The following TCF25 variants were observed in gnomAD, a reference collection of about 807,000 sequenced individuals.
The protein encoded by TCF25 is ribosome quality control complex subunit TCF25.
Under a neutral mutation model 83.1 loss-of-function variants are expected in TCF25, and 41 were observed. The ratio of observed to expected loss-of-function variants is 0.49; its 90% CI spans 0.38 to 0.64. The LOEUF (loss-of-function observed/expected upper bound fraction) is 0.64. Ranked by LOEUF, TCF25 falls within the 30% of genes least tolerant of loss-of-function variation. The pLI is 0.00. For synonymous variants in TCF25, 458 were observed against 365.0 expected (o/e 1.25, Z -2.90); for missense variants, 979 against 914.5 (o/e 1.07, Z -0.91).
chr16:89,899,124 T>C (rs2044120921), intron 11 of TCF25, among the ~76,000 whole-genome samples: 1 of 152,142 alleles, frequency 6.6e-6, no homozygotes, highest in South Asian at 2.1e-4. Context: ...CAAACGTGTG[T>C]ACACATGCAC....
intron 4 of TCF25, among the ~76,000 whole-genome samples, chr16:89,886,835 G>C (rs2043053384): frequency 6.6e-6 from 1 of 152,016 alleles, no homozygotes; most frequent in Non-Finnish European, 1.5e-5. Context: ...CACTCAGGAG[G>C]CTGAGGCAGG....
rs1435756761 is a variant in TCF25, at chr16:89,883,528, G to T, written c.354+16G>T. The T allele has an allele frequency of 8.2e-6, 13 of 1,583,148 alleles. No individual in the cohort carries two copies. The highest frequency in any genetic ancestry group is 1.8e-5 in the Admixed American group (1 of 54,400). On this transcript the variant is annotated intron_variant, in intron 2 of 17. Coordinates refer to ENST00000263346, the MANE Select transcript of TCF25 (RefSeq NM_014972.3). ...CTCAGAGCAGGTGGGGGGCTGAGTGGTGAGGAGGTGGCATCAGACGGGAGA... is the reference window on the plus strand; with the variant it reads ...CTCAGAGCAGGTGGGGGGCTGAGTGTTGAGGAGGTGGCATCAGACGGGAGA...
At chr16:89,902,407 C>CTCTGAGG (rs1567730548) in intron 12 of TCF25, among the ~76,000 whole-genome samples, 4 of 49,098 alleles carry the variant, frequency 8.1e-5, no homozygotes, top group Admixed American at 1.8e-4. Flanking sequence ...GACGGGCCTC[C>CTCTGAGG]GGCCGGGCGC....
chr16:89,898,876 G>T lies in TCF25; in HGVS notation c.1221+4G>T. On this transcript the variant is annotated splice_donor_region_variant and intron_variant, in intron 11 of 17. Coordinates refer to ENST00000263346, the MANE Select transcript of TCF25 (RefSeq NM_014972.3). ...CCGCCTCTTCCAGGAGTGGGAGGTG[G>T]GTGCGAGCCTGGTGAGGCCCCGTGG... The T allele has an allele frequency of 1.2e-6, 2 of 1,613,558 alleles. No individual in the cohort carries two copies. The highest frequency in any genetic ancestry group is 1.7e-6 in the Non-Finnish European group (2 of 1,179,962).
At chr16:89,875,788 C>T (rs1159583871) in intron 1 of TCF25, among the ~76,000 whole-genome samples, 1 of 135,550 alleles carries the variant, frequency 7.4e-6, no homozygotes, top group African/African-American at 2.8e-5. Context: ...TCCCAAAGTG[C>T]TGGGATTACA....
chr16:89,891,158 C>G (rs528395797), intron 5 of TCF25, among the ~76,000 whole-genome samples: 1 of 152,244 alleles, frequency 6.6e-6, no homozygotes, highest in Non-Finnish European at 1.5e-5. Context: ...GTCCCCTGCC[C>G]CCTCCTGGCA....
At position 89,911,197 on chromosome 16, in the gene TCF25, C is replaced by CAA; in HGVS notation, c.1990_1991insAA (p.Pro664GlnfsTer20). The CAA allele has an allele frequency of 6.2e-7, 1 of 1,612,468 alleles. No individual in the cohort carries two copies. The highest frequency in any genetic ancestry group is 8.5e-7 in the Non-Finnish European group (1 of 1,179,958). ...CTTCCACCTCAACGACCTGGAGGCGCCGCACGAGGACGACGCTGAGGGGGA... is the reference window on the plus strand; with the variant it reads ...CTTCCACCTCAACGACCTGGAGGCGCAACGCACGAGGACGACGCTGAGGGGGA... On this transcript the variant is annotated frameshift_variant, in exon 18 of 18. Transcript: ENST00000263346. LOFTEE classifies it high-confidence loss of function.
intron 14 of TCF25, 34 bp downstream of exon 14, chr16:89,905,130 C>T (rs2044670684): frequency 1.3e-6 from 2 of 1,532,580 alleles, no homozygotes; most frequent in African/African-American, 1.4e-5. Context: ...CCTGCCACGC[C>T]CCCTCCTCAG....
At chr16:89,875,684 G>A (rs890296609) in intron 1 of TCF25, among the ~76,000 whole-genome samples, 3 of 151,368 alleles carry the variant, frequency 2.0e-5, no homozygotes, top group African/African-American at 4.8e-5. Flanking sequence ...CACCACGCCT[G>A]GCTAATTTTT....
chr16:89,893,895 CCA>C, intron 7 of TCF25, 37 bp downstream of exon 7: 1 of 1,571,650 alleles, frequency 6.4e-7, no homozygotes, highest in Non-Finnish European at 8.6e-7. Flanking sequence ...GGAGCAGGGG[CCA>C]TGTAGCCACC....
In TCF25 at chr16:89,873,646, G is replaced by C. The variant is rs1471627673; in HGVS notation, c.-22G>C. 6.5e-7 allele frequency: 1 copy of C among 1,544,774 alleles called. No individual in the cohort carries two copies. The highest frequency in any genetic ancestry group is 8.7e-7 in the Non-Finnish European group (1 of 1,151,444). ...CTGCGCTTCCTTCTCCCTCTCTCCA[G>C]ACGTCGTGGTCGTTCGGTCCTATGT... On this transcript the variant is annotated 5_prime_UTR_variant, in exon 1 of 18. Transcript: ENST00000263346.
intron 14 of TCF25, among the ~76,000 whole-genome samples, chr16:89,905,519 G>C (rs1303302971): frequency 6.6e-6 from 1 of 152,192 alleles, no homozygotes; most frequent in Non-Finnish European, 1.5e-5. Context: ...GCATCCCCTT[G>C]CTGTTCTTGT....
chr16:89,879,388 G>T (rs376541307), intron 1 of TCF25, among the ~76,000 whole-genome samples: 7 of 120,226 alleles, frequency 5.8e-5, no homozygotes, highest in Non-Finnish European at 8.7e-5. Flanking sequence ...GATGGGCTTC[G>T]GAGCCTGTCA....
Position 89,892,298 on chromosome 16 carries a change from G to C in TCF25, c.697+23G>C, listed in dbSNP as rs748412856. The C allele has an allele frequency of 1.2e-5, 20 of 1,600,980 alleles. No individual in the cohort carries two copies. The Admixed American group carries it at 3.4e-4, about 27-fold the overall frequency. On this transcript the variant is annotated intron_variant, in intron 6 of 17. Coordinates refer to ENST00000263346, the MANE Select transcript of TCF25 (RefSeq NM_014972.3). ...CAGGTGAGGGTCTGCAGATGCTGCT[G>C]GGGATGGAGGGTTGGGGGGCGTTGT...
chr16:89,907,311 C>T lies in TCF25; in HGVS notation c.1788C>T (p.Val596=). ...LPPSDTIYSY[V]RPERLSPISH... ...CTTCGGACACAATCTACTCCTACGTCAGGCCAGAGAGGTACCTCCCTCCTT... is the reference window on the plus strand; with the variant it reads ...CTTCGGACACAATCTACTCCTACGTTAGGCCAGAGAGGTACCTCCCTCCTT... Residue 596 remains valine, a synonymous_variant, in exon 16 of 18, where the codon GTC becomes GTT. Transcript: ENST00000263346. 1 of 1,597,382 alleles carries T rather than the reference C, an allele frequency of 6.3e-7. No homozygotes were observed. Among genetic ancestry groups the T allele is most frequent in the Non-Finnish European group, 8.5e-7 (1 of 1,171,560 alleles).
At chr16:89,906,993 T>A (rs2044845774) in intron 15 of TCF25, among the ~76,000 whole-genome samples, 3 of 151,988 alleles carry the variant, frequency 2.0e-5, no homozygotes, top group South Asian at 4.1e-4. Context: ...CACCACACAC[T>A]CTGGTGTGCA....
In TCF25 at chr16:89,895,914, TGTC is replaced by T; in HGVS notation, c.929-75_929-73del. The T allele has an allele frequency of 3.0e-6, 4 of 1,344,998 alleles. 1 individual carries two copies. Among genetic ancestry groups the T allele is most frequent in the East Asian group, 4.9e-5 (2 of 40,978 alleles). 83.3% of individuals were successfully genotyped at this position (1,344,998 alleles called of 1,614,324 possible). On this transcript the variant is annotated intron_variant, in intron 8 of 17. Transcript: ENST00000263346. ...ACCTTCCGTCCAGACCTTTCCTTGT[TGTC>T]CATTATCAGAGGAGGGGCCGTGGTT... is the stretch of plus-strand genomic sequence containing the variant.
intron 13 of TCF25, 79 bp from the exon 14 acceptor site, chr16:89,904,859 C>A: frequency 6.6e-7 from 1 of 1,526,248 alleles, no homozygotes; most frequent in Non-Finnish European, 8.9e-7. Context: ...CCCGTCTGCC[C>A]ATCCATGGGG....
At chr16:89,878,079 A>G (rs1056682118) in intron 1 of TCF25, among the ~76,000 whole-genome samples, 21 of 152,132 alleles carry the variant, frequency 1.4e-4, no homozygotes, top group Non-Finnish European at 2.6e-4. Flanking sequence ...GGTGTGTGAG[A>G]CCAGCCTGGG....
Sources: gnomAD v4.1 joint callset for allele counts (sites outside exome capture counted in the v4.1 genomes callset) on GRCh38, gnomAD v4.1.1 for gene constraint, MANE v1.5 for transcripts, NCBI Gene and HGNC (gene_info 2026-07-23, HGNC 2026-07-21) for gene names.